Variants in NUP153 observed in about 807,000 individuals in gnomAD.
NUP153 encodes nucleoporin 153.
A neutral mutation model predicts 134.6 loss-of-function variants in NUP153; 27 were observed. The observed-to-expected ratio is 0.20, with a 90% CI of 0.15 to 0.28. The LOEUF is 0.28. NUP153 is among the 10% of genes least tolerant of loss of function. The pLI is 1.00. For synonymous variants in NUP153, 640 were observed against 623.5 expected, an observed-to-expected ratio of 1.03 and a Z score of -0.40; for missense variants, 1,821 against 1,731.3, an observed-to-expected ratio of 1.05 and a Z score of -0.92.
In NUP153 at chr6:17,688,097, C is replaced by T. The variant is rs189608537; in HGVS notation, c.334+299G>A. On this transcript the variant is annotated intron_variant, in intron 2 of 21. Transcript: ENST00000262077. ...TCACACCCTGCACTCCAGCCTGGGC[C>T]ACAGAGCGAGACTCCGTCTCAAAAA... Among the ~76,000 whole-genome samples, 4 of 151,416 alleles carry T rather than the reference C, an allele frequency of 2.6e-5. No individual in the cohort carries two copies. In the East Asian group the frequency reaches 7.8e-4, roughly 30 times the overall value.
intron 20 of NUP153, among the ~76,000 whole-genome samples, chr6:17,622,154 T>A (rs1027726572): frequency 6.6e-6 from 1 of 151,942 alleles, no homozygotes; most frequent in Non-Finnish European, 1.5e-5. Context: ...GAGTCAAGAG[T>A]TTTCTAACAT....
At chr6:17,641,680 C>T (rs1765848364) in intron 14 of NUP153, among the ~76,000 whole-genome samples, 1 of 152,054 alleles carries the variant, frequency 6.6e-6, no homozygotes, top group Non-Finnish European at 1.5e-5. Context: ...GGTGAAACCC[C>T]GTTTCTACTA....
chr6:17,632,394 C>T (rs1367071214), intron 17 of NUP153, among the ~76,000 whole-genome samples: 3 of 152,108 alleles, frequency 2.0e-5, no homozygotes, highest in Non-Finnish European at 4.4e-5. Context: ...AAAACAAAAA[C>T]TCTCTGAGGC....
At chr6:17,676,737 C>T (rs1340018099) in intron 2 of NUP153, among the ~76,000 whole-genome samples, 1 of 152,080 alleles carries the variant, frequency 6.6e-6, no homozygotes, top group Non-Finnish European at 1.5e-5. Context: ...AGCTCTCTGT[C>T]TAGGAACATT....
chr6:17,700,204 C>G (rs1342735910), intron 1 of NUP153, among the ~76,000 whole-genome samples: 1 of 152,054 alleles, frequency 6.6e-6, no homozygotes, highest in East Asian at 1.9e-4. Flanking sequence ...GATCCTAAAT[C>G]AAACAGTTCT....
intron 1 of NUP153, among the ~76,000 whole-genome samples, chr6:17,696,083 G>A (rs901505643): frequency 4.6e-5 from 7 of 151,916 alleles, no homozygotes; most frequent in East Asian, 1.9e-4. Context: ...CCAGTTGATC[G>A]TGCCATTGCA....
chr6:17,627,103 T>C (rs1764985956), intron 18 of NUP153, among the ~76,000 whole-genome samples: 1 of 152,172 alleles, frequency 6.6e-6, no homozygotes, highest in African/African-American at 2.4e-5. Flanking sequence ...TACCGCACAC[T>C]ATCCAGGGCT....
intron 1 of NUP153, among the ~76,000 whole-genome samples, chr6:17,703,382 C>T (rs1770253050): frequency 1.3e-5 from 2 of 152,116 alleles, no homozygotes; most frequent in African/African-American, 4.8e-5. Context: ...CACTGGCAAA[C>T]ATCCATTAAC....
rs1279541125 is a variant in NUP153, at chr6:17,669,443, G to A, written c.956C>T (p.Ser319Leu). 4 of 1,613,018 alleles carry A rather than the reference G, an allele frequency of 2.5e-6. No individual in the cohort carries two copies. Among genetic ancestry groups the A allele is most frequent in the Non-Finnish European group, 2.5e-6 (3 of 1,178,974 alleles). ...TTAAAAATTTACCGCTAAAGGGCTT[G>A]ACATCTTCTCTAAAGACTGCAATAT... is the stretch of plus-strand genomic sequence containing the variant. The part of the protein sequence containing the change: ...RRILQSLEKM[S>L]SPLADAKRIP... The change falls in exon 6 of 22, where the codon TCA becomes TTA. Residue 319 changes from serine to leucine, a missense_variant. Transcript: ENST00000262077.
At chr6:17,618,562 CTTTTT>C (rs34236407) in intron 20 of NUP153, among the ~76,000 whole-genome samples, 2 of 133,464 alleles carry the variant, frequency 1.5e-5, no homozygotes, top group Non-Finnish European at 1.7e-5. Context: ...TAAAATCTCT[CTTTTT>C]TTTTTTTTTT....
At chr6:17,652,776 C>T (rs1766577805) in intron 11 of NUP153, among the ~76,000 whole-genome samples, 1 of 152,272 alleles carries the variant, frequency 6.6e-6, no homozygotes, top group South Asian at 2.1e-4. Context: ...GTAATCCCAG[C>T]ACTCTGGGAG....
intron 11 of NUP153, among the ~76,000 whole-genome samples, chr6:17,652,887 G>T (rs987886149): frequency 1.4e-4 from 22 of 152,054 alleles, no homozygotes; most frequent in Non-Finnish European, 1.0e-4. Context: ...AAATTAGCTG[G>T]GCGTGGTGGC....
chr6:17,687,253 G>A (rs1431098543), intron 2 of NUP153, among the ~76,000 whole-genome samples: 1 of 152,182 alleles, frequency 6.6e-6, no homozygotes, highest in Non-Finnish European at 1.5e-5. Context: ...GACAGTCGCT[G>A]TGGATATACT....
At chr6:17,633,082 G>C (rs1313956770) in intron 16 of NUP153, among the ~76,000 whole-genome samples, 1 of 152,014 alleles carries the variant, frequency 6.6e-6, no homozygotes, top group Non-Finnish European at 1.5e-5. Flanking sequence ...TAAATGAGCA[G>C]CTCATAATCA....
At chr6:17,640,152 T>C in intron 14 of NUP153, 88 bp from the exon 15 acceptor site, 2 of 999,140 alleles carry the variant, frequency 2.0e-6, no homozygotes, top group Non-Finnish European at 1.4e-6. Context: ...AAACCATCTT[T>C]TGGATTAATT....
At position 17,706,476 on chromosome 6, in the gene NUP153, C is replaced by T. The variant is rs981113120; in HGVS notation, c.-89G>A. 19 of 979,774 alleles carry T rather than the reference C, an allele frequency of 1.9e-5. 1 individual carries two copies. The highest frequency in any genetic ancestry group is 1.8e-4 in the Admixed American group (7 of 39,678). The allele number at this position is 979,774 out of a possible 1,614,324, so 60.7% of individuals were successfully genotyped here. A position where few individuals can be genotyped will look rare whatever the true frequency, so the allele number is the denominator to read the frequency against. On this transcript the variant is annotated 5_prime_UTR_variant, in exon 1 of 22. Coordinates refer to ENST00000262077, the MANE Select transcript of NUP153 (RefSeq NM_005124.4). This position sits in a 1 kb window ranked among gnomAD's most constrained non-coding sequence, Gnocchi z 5.9. Reference sequence around the variant, plus strand: ...GCCTTAGAGAGCCTCCCCCGCCGCCCGGCCCCGGCCCAAAAGTCCGCCCGC... The same window carrying T: ...GCCTTAGAGAGCCTCCCCCGCCGCCTGGCCCCGGCCCAAAAGTCCGCCCGC...
At chr6:17,645,511 T>G (rs1766119300) in intron 14 of NUP153, among the ~76,000 whole-genome samples, 1 of 149,812 alleles carries the variant, frequency 6.7e-6, no homozygotes, top group Non-Finnish European at 1.5e-5. Flanking sequence ...CTGTGCTGCC[T>G]AGGATCGTCT....
chr6:17,660,329 A>T (rs1347388250), intron 11 of NUP153, among the ~76,000 whole-genome samples: 1 of 152,200 alleles, frequency 6.6e-6, no homozygotes, highest in African/African-American at 2.4e-5. Flanking sequence ...TTAGAAACAA[A>T]TGACAAATAC....
chr6:17,650,814 T>A (rs549163657), intron 11 of NUP153, among the ~76,000 whole-genome samples: 1 of 152,244 alleles, frequency 6.6e-6, no homozygotes, highest in East Asian at 1.9e-4. Context: ...ACACATTGAA[T>A]TTACAGCCTC....
Sources: allele counts gnomAD v4.1 joint callset (sites outside exome capture counted in the v4.1 genomes callset), GRCh38; gene constraint gnomAD v4.1.1; non-coding constraint Gnocchi (gnomAD v3.1); transcripts MANE v1.5; gene names NCBI Gene and HGNC (gene_info 2026-07-23, HGNC 2026-07-21).